The following TMEM216 variants were observed in gnomAD, a reference collection of about 807,000 sequenced individuals.
The protein encoded by TMEM216 is transmembrane protein 216, also known as cerebello-oculo-renal syndrome 2.
TMEM216 carries 15 observed loss-of-function variants against 17.8 expected under a neutral mutation model. The observed-to-expected ratio is 0.84, with a 90% CI of 0.56 to 1.30. TMEM216 has a LOEUF of 1.30. Ranked by LOEUF, TMEM216 falls within the 50% of genes most tolerant of loss-of-function variation. The pLI is 0.00. For synonymous variants in TMEM216, 58 were observed against 73.5 expected (o/e 0.79, Z 1.08); for missense variants, 160 against 175.7 (o/e 0.91, Z 0.51).
At chr11:61,393,191 G>A (rs948665763) in intron 1 of TMEM216, 40 bp from the exon 2 acceptor site, 1 of 1,461,782 alleles carries the variant, frequency 6.8e-7, no homozygotes, top group Admixed American at 2.0e-5. Flanking sequence ...AGAGGGAGCT[G>A]CCTTCCGGCC....
intron 3 of TMEM216, among the ~76,000 whole-genome samples, chr11:61,395,352 A>G (rs1057485143): frequency 6.6e-5 from 10 of 152,238 alleles, no homozygotes; most frequent in African/African-American, 2.4e-4. Context: ...CCTGAAATCA[A>G]CGTTAAAGCA....
At chr11:61,396,167 G>A (rs1473241694) in intron 3 of TMEM216, among the ~76,000 whole-genome samples, 2 of 152,110 alleles carry the variant, frequency 1.3e-5, no homozygotes, top group Non-Finnish European at 1.5e-5. Context: ...CTGATTCAAC[G>A]GACTTGTATA....
intron 4 of TMEM216, 46 bp downstream of exon 4, chr11:61,398,021 C>T: frequency 6.2e-7 from 1 of 1,603,724 alleles, no homozygotes; most frequent in Non-Finnish European, 8.5e-7. Context: ...GGGTTGGGTT[C>T]CCATCCCAGG....
intron 4 of TMEM216, 44 bp downstream of exon 4, chr11:61,398,019 T>A: frequency 6.2e-7 from 1 of 1,604,666 alleles, no homozygotes; most frequent in Non-Finnish European, 8.5e-7. Context: ...GAGGGTTGGG[T>A]TCCCATCCCA....
At chr11:61,395,496 T>C (rs1858777775) in intron 3 of TMEM216, among the ~76,000 whole-genome samples, 1 of 152,012 alleles carries the variant, frequency 6.6e-6, no homozygotes, top group South Asian at 2.1e-4. Context: ...TCCCAGCACT[T>C]TGGGAGGCCG....
Position 61,398,465 on chromosome 11 carries a change from C to T in TMEM216, c.*189C>T, listed in dbSNP as rs1858851405. 3 of 628,368 alleles carry T rather than the reference C, an allele frequency of 4.8e-6. No homozygotes were observed. In the South Asian group the frequency reaches 6.0e-5, roughly 12 times the overall value. The allele number at this position is 628,368 out of a possible 1,614,324, so 38.9% of individuals were successfully genotyped here. A position where few individuals can be genotyped will look rare whatever the true frequency, so the allele number is the denominator to read the frequency against. ...TGGGTACCATCTTCTAAACCAGGAC[C>T]ATCAGCCCAAGAGACTCTTCTACAC... is the stretch of plus-strand genomic sequence containing the variant. On this transcript the variant is annotated 3_prime_UTR_variant, in exon 5 of 5. Coordinates refer to ENST00000515837, the MANE Select transcript of TMEM216 (RefSeq NM_001173990.3).
chr11:61,392,994 C>A (rs1037334788), intron 1 of TMEM216: 1 of 654,426 alleles, frequency 1.5e-6, no homozygotes, highest in South Asian at 6.8e-5. Flanking sequence ...TACCTCTTGA[C>A]TTTTATTCCT....
intron 3 of TMEM216, among the ~76,000 whole-genome samples, chr11:61,395,107 G>T (rs569387975): frequency 1.3e-5 from 2 of 152,176 alleles, no homozygotes; most frequent in Non-Finnish European, 2.9e-5. Flanking sequence ...CTCCTGAGTA[G>T]CTGGGACCAC....
At chr11:61,396,521 A>G (rs557633554) in intron 3 of TMEM216, among the ~76,000 whole-genome samples, 1 of 150,774 alleles carries the variant, frequency 6.6e-6, no homozygotes, top group Admixed American at 6.6e-5. Context: ...GGCCAGGTGC[A>G]GTGGCTCACG....
intron 1 of TMEM216, 113 bp downstream of exon 1, chr11:61,392,778 C>G: frequency 1.3e-6 from 2 of 1,528,196 alleles, no homozygotes; most frequent in Admixed American, 2.0e-5. Flanking sequence ...AGGGACGTCG[C>G]GCCTCCCTGG....
rs1350403326 is a variant in TMEM216 at position 61,397,957 on chromosome 11, C to T, written c.413C>T (p.Thr138Ile). The T allele has an allele frequency of 6.2e-7, 1 of 1,613,868 alleles. No homozygotes were observed. Among genetic ancestry groups the T allele is most frequent in the South Asian group, 1.1e-5 (1 of 91,086 alleles). Reference protein sequence around the residue: ...CGSELLLEVLTLAAFSRI With the variant: ...CGSELLLEVLILAAFSRI The stretch of plus-strand genomic sequence containing the variant: ...TCAGAGCTTTTACTTGAGGTGCTCA[C>T]CTTGGCTGCTTTCTCCAGGTACTGC... Residue 138 changes from threonine (T) to isoleucine (I), a missense_variant, in exon 4 of 5, where the codon ACC becomes ATC. Coordinates refer to ENST00000515837, the MANE Select transcript of TMEM216 (RefSeq NM_001173990.3).
intron 3 of TMEM216, among the ~76,000 whole-genome samples, chr11:61,396,477 CAAAAAATTAA>C (rs1858799935): frequency 6.7e-6 from 1 of 148,876 alleles, no homozygotes; most frequent in Non-Finnish European, 1.5e-5. Flanking sequence ...GACTCTGTCT[CAAAAAATTAA>C]AAAAAATTAA....
intron 2 of TMEM216, 129 bp downstream of exon 2, chr11:61,393,461 C>T: frequency 1.5e-6 from 1 of 655,380 alleles, no homozygotes; most frequent in South Asian, 2.0e-5. Flanking sequence ...GCAAGGCAGG[C>T]CTCCTCATCA....
chr11:61,397,972 C>A lies in TMEM216; in HGVS notation c.428C>A (p.Ser143Tyr). 1 of 1,613,654 alleles carries A rather than the reference C, an allele frequency of 6.2e-7. No homozygotes were observed. The change falls in exon 4 of 5, where the codon TCC becomes TAC. Residue 143 changes from serine to tyrosine, a missense_variant. Ser to Tyr is a moderately radical substitution (Grantham distance 144). Coordinates refer to ENST00000515837, the MANE Select transcript of TMEM216 (RefSeq NM_001173990.3). ...LLEVLTLAAF[S>Y]RI ...GAGGTGCTCACCTTGGCTGCTTTCTCCAGGTACTGCTGCTGAGGGACCATT... is the reference window on the plus strand; with the variant it reads ...GAGGTGCTCACCTTGGCTGCTTTCTACAGGTACTGCTGCTGAGGGACCATT...
intron 2 of TMEM216, 35 bp from the exon 3 acceptor site, chr11:61,393,849 A>G (rs988619609): frequency 1.3e-6 from 2 of 1,573,202 alleles, no homozygotes; most frequent in African/African-American, 1.3e-5. Context: ...GTGCTGTTAT[A>G]TGCTGTTTGC....
Position 61,398,479 on chromosome 11 carries a change from ACTCT to A in TMEM216, c.*204_*207del. The A allele has an allele frequency of 1.7e-6, 1 of 591,370 alleles. No individual in the cohort carries two copies. Among genetic ancestry groups the A allele is most frequent in the Admixed American group, 3.0e-5 (1 of 33,820 alleles). The allele number at this position is 591,370 out of a possible 1,614,324, so 36.6% of individuals were successfully genotyped here. On this transcript the variant is annotated 3_prime_UTR_variant, in exon 5 of 5. Coordinates refer to ENST00000515837, the MANE Select transcript of TMEM216 (RefSeq NM_001173990.3). ...TAAACCAGGACCATCAGCCCAAGAG[ACTCT>A]TCTACACTCCAGTATAGGGAGGGGC...
At chr11:61,395,375 C>G (rs1379640383) in intron 3 of TMEM216, among the ~76,000 whole-genome samples, 1 of 152,106 alleles carries the variant, frequency 6.6e-6, no homozygotes, top group Non-Finnish European at 1.5e-5. Context: ...AACTTAGGAA[C>G]AAAATTACTT....
Position 61,397,916 on chromosome 11 carries a change from G to A in TMEM216, c.372G>A (p.Leu124=). Residue 124 remains leucine, a synonymous_variant, in exon 4 of 5, where the codon TTG becomes TTA. Transcript: ENST00000515837. ...LRLEAIMNGI[L]LFFCGSELLL... ...TGGAAGCCATCATGAATGGCATCTT[G>A]CTCTTCTTCTGTGGCTCAGAGCTTT... 6.2e-7 allele frequency: 1 copy of A among 1,614,036 alleles called. No individual in the cohort carries two copies. The highest frequency in any genetic ancestry group is 8.5e-7 in the Non-Finnish European group (1 of 1,179,898).
intron 3 of TMEM216, 37 bp downstream of exon 3, chr11:61,394,013 A>T: frequency 6.3e-7 from 1 of 1,576,034 alleles, no homozygotes; most frequent in Non-Finnish European, 8.7e-7. Context: ...ACTCCTTATG[A>T]GACAAGCTGG....
Sources: gnomAD v4.1 joint callset for allele counts (sites outside exome capture counted in the v4.1 genomes callset) on GRCh38, gnomAD v4.1.1 for gene constraint, MANE v1.5 for transcripts, NCBI Gene and HGNC (gene_info 2026-07-23, HGNC 2026-07-21) for gene names.